The following ABLIM2 variants were observed in gnomAD, a reference collection of about 807,000 sequenced individuals.
ABLIM2 encodes actin-binding LIM protein 2.
ABLIM2 carries 53 observed loss-of-function variants against 97.7 expected under a neutral mutation model. The observed-to-expected ratio is 0.54, with a 90% CI of 0.44 to 0.68. The LOEUF is 0.68. Ranked by LOEUF, ABLIM2 falls within the 30% of genes least tolerant of loss-of-function variation. The pLI, the probability that ABLIM2 is intolerant of heterozygous loss-of-function variation, is 0.00. For missense variants in ABLIM2, 835 were observed against 867.2 expected (o/e 0.96, Z 0.47); for synonymous variants, 361 against 345.8 (o/e 1.04, Z -0.49).
At chr4:8,102,215 C>A (rs1396894729) in intron 2 of ABLIM2, among the ~76,000 whole-genome samples, 1 of 152,286 alleles carries the variant, frequency 6.6e-6, no homozygotes, top group East Asian at 1.9e-4. Flanking sequence ...CCCAAGCCTG[C>A]CTGCTTCCGG....
rs1411772879 is a variant in ABLIM2, at chr4:8,002,438, C to T, written c.1618+5621G>A. Reference sequence around the variant, plus strand: ...CACTGCTTTTGTGGGAGCCCTTTTCCTCTCGCCCTGACTGGGCAGCCTCCA... The same window carrying T: ...CACTGCTTTTGTGGGAGCCCTTTTCTTCTCGCCCTGACTGGGCAGCCTCCA... On this transcript the variant is annotated intron_variant, in intron 16 of 20. Coordinates refer to ENST00000447017, the MANE Select transcript of ABLIM2 (RefSeq NM_001130083.2). This position sits in a 1 kb window ranked among gnomAD's most constrained non-coding sequence, Gnocchi z 6.1. Among the ~76,000 whole-genome samples, 1 of 152,232 alleles carries T rather than the reference C, an allele frequency of 6.6e-6. No homozygotes were observed. The highest frequency in any genetic ancestry group is 1.5e-5 in the Non-Finnish European group (1 of 68,042).
intron 11 of ABLIM2, among the ~76,000 whole-genome samples, chr4:8,029,106 G>T (rs936882671): frequency 6.6e-6 from 1 of 152,200 alleles, no homozygotes; most frequent in Admixed American, 6.5e-5. Context: ...CGTGTGGAAA[G>T]GACCTGTCTC....
Position 8,015,377 on chromosome 4 carries a change from G to C in ABLIM2, c.1423+4241C>G, listed in dbSNP as rs1768229235. ...GGAGAGGCTGAGTTCCTACTCCCCG[G>C]CTCCCCTGGGGAGCCTCAGTGGGGG... On this transcript the variant is annotated intron_variant, in intron 14 of 20. Transcript: ENST00000447017. This position sits in a 1 kb window ranked among gnomAD's most constrained non-coding sequence, Gnocchi z 4.6. 6.6e-6 allele frequency among the ~76,000 whole-genome samples: 1 copy of C among 151,940 alleles called. No individual in the cohort carries two copies. Among genetic ancestry groups the C allele is most frequent in the Non-Finnish European group, 1.5e-5 (1 of 67,970 alleles).
intron 1 of ABLIM2, among the ~76,000 whole-genome samples, chr4:8,143,766 A>G (rs1274769947): frequency 6.6e-6 from 1 of 152,140 alleles, no homozygotes; most frequent in African/African-American, 2.4e-5. Flanking sequence ...GAGGATCGAC[A>G]TGCTCCAGGG....
chr4:7,980,636 G>T (rs1427454143), intron 20 of ABLIM2, among the ~76,000 whole-genome samples: 1 of 151,466 alleles, frequency 6.6e-6, no homozygotes, highest in Non-Finnish European at 1.5e-5. Context: ...AATCACTTGA[G>T]TCTGGGAAGT....
In ABLIM2 at chr4:8,021,492, G is replaced by A. The variant is rs981630459; in HGVS notation, c.1268-1189C>T. Among the ~76,000 whole-genome samples, 29 of 152,350 alleles carry A rather than the reference G, an allele frequency of 1.9e-4. No individual in the cohort carries two copies. The highest frequency in any genetic ancestry group is 1.2e-3 in the Admixed American group (18 of 15,310). On this transcript the variant is annotated intron_variant, in intron 12 of 20. Coordinates refer to ENST00000447017, the MANE Select transcript of ABLIM2 (RefSeq NM_001130083.2). This position sits in a 1 kb window ranked among gnomAD's most constrained non-coding sequence, Gnocchi z 5.5. Reference sequence around the variant, plus strand: ...GGCAATGGGCTGCAAGGGGTAAGGCGCTCTTCACCTGAGAACGTTCCCTCA... The same window carrying A: ...GGCAATGGGCTGCAAGGGGTAAGGCACTCTTCACCTGAGAACGTTCCCTCA...
intron 1 of ABLIM2, among the ~76,000 whole-genome samples, chr4:8,109,019 G>A (rs1241574985): frequency 6.6e-6 from 1 of 152,232 alleles, no homozygotes; most frequent in African/African-American, 2.4e-5. Flanking sequence ...CTCCCCATGT[G>A]GGAGAGGGAA....
In ABLIM2 at chr4:7,998,660, C is replaced by A. The variant is rs1160907847; in HGVS notation, c.1619-5733G>T. On this transcript the variant is annotated intron_variant, in intron 16 of 20. Coordinates refer to ENST00000447017, the MANE Select transcript of ABLIM2 (RefSeq NM_001130083.2). This position sits in a 1 kb window ranked among gnomAD's most constrained non-coding sequence, Gnocchi z 6.4. The stretch of plus-strand genomic sequence containing the variant: ...AGGAGGAAAACACCTGCCTCGTCAC[C>A]TTTTGCCACCACATGGGAGGCTGGG... The A allele has an allele frequency of 2.0e-6, 1 of 511,894 alleles. No individual in the cohort carries two copies. Among genetic ancestry groups the A allele is most frequent in the Non-Finnish European group, 3.9e-6 (1 of 257,088 alleles). 31.7% of individuals were successfully genotyped at this position (511,894 alleles called of 1,614,324 possible).
chr4:8,145,435 C>T (rs560013143), intron 1 of ABLIM2, among the ~76,000 whole-genome samples: 4 of 152,070 alleles, frequency 2.6e-5, no homozygotes, highest in Non-Finnish European at 5.9e-5. Context: ...CTGCCCACCT[C>T]GGCTTCCCAA....
chr4:7,970,770 A>C lies in ABLIM2; in HGVS notation c.1825-3667T>G, dbSNP rs1253429974. ...CTGGGAGTGTGGCACTGGGACTGGG[A>C]CGCTCCATCACCAGAGGCCCTGGGG... On this transcript the variant is annotated intron_variant, in intron 20 of 20. Coordinates refer to ENST00000447017, the MANE Select transcript of ABLIM2 (RefSeq NM_001130083.2). The surrounding 1 kb of genome is among the most constrained non-coding windows in gnomAD (Gnocchi z 5.3). Among the ~76,000 whole-genome samples, 1 of 151,728 alleles carries C rather than the reference A, an allele frequency of 6.6e-6. No homozygotes were observed. Among genetic ancestry groups the C allele is most frequent in the Non-Finnish European group, 1.5e-5 (1 of 67,914 alleles).
chr4:8,030,316 A>G (rs1030352676), intron 10 of ABLIM2, among the ~76,000 whole-genome samples: 2 of 152,152 alleles, frequency 1.3e-5, no homozygotes, highest in Non-Finnish European at 2.9e-5. Flanking sequence ...AGCTGTTTGC[A>G]GCAGGCAGAG....
At chr4:8,045,570 AC>A (rs1213201075) in intron 8 of ABLIM2, among the ~76,000 whole-genome samples, 1 of 152,076 alleles carries the variant, frequency 6.6e-6, no homozygotes, top group African/African-American at 2.4e-5. Flanking sequence ...AATCGCTTAA[AC>A]CTGGGAGGCG....
In ABLIM2 at chr4:8,063,601, C is replaced by A. The variant is rs191836091; in HGVS notation, c.676-2547G>T. 2.6e-3 allele frequency among the ~76,000 whole-genome samples: 397 copies of A among 152,320 alleles called. 2 individuals are homozygous for A. The highest frequency in any genetic ancestry group is 9.1e-3 in the African/African-American group (378 of 41,582). On this transcript the variant is annotated intron_variant, in intron 6 of 20. Transcript: ENST00000447017. Reference sequence around the variant, plus strand: ...TGCGGTTACAGTCCAGGAGCCTGGCCCCCGAGTGCAGAGCTTAAGCCCATG... The same window carrying A: ...TGCGGTTACAGTCCAGGAGCCTGGCACCCGAGTGCAGAGCTTAAGCCCATG...
In ABLIM2 at chr4:8,088,096, G is replaced by C. The variant is rs867930175; in HGVS notation, c.454+73C>G. The C allele has an allele frequency of 3.3e-5, 27 of 816,218 alleles. No homozygotes were observed. The Middle Eastern group carries it at 1.4e-3, about 41-fold the overall frequency. The allele number at this position is 816,218 out of a possible 1,614,324, so 50.6% of individuals were successfully genotyped here. On this transcript the variant is annotated intron_variant, in intron 4 of 20. Coordinates refer to ENST00000447017, the MANE Select transcript of ABLIM2 (RefSeq NM_001130083.2). The stretch of plus-strand genomic sequence containing the variant: ...GCCCCACTCAGCGCCCCCCAACTCA[G>C]CATACCCACCCATTTAGCACCCCCC...
intron 7 of ABLIM2, among the ~76,000 whole-genome samples, chr4:8,055,957 A>T (rs1371330541): frequency 6.6e-6 from 1 of 151,924 alleles, no homozygotes; most frequent in Non-Finnish European, 1.5e-5. Context: ...TATCAAAAAT[A>T]GAAAAATTAG....
Position 8,082,195 on chromosome 4 carries a change from C to G in ABLIM2, c.455-1393G>C, listed in dbSNP as rs1309885949. Among the ~76,000 whole-genome samples the G allele has an allele frequency of 1.3e-5, 2 of 152,126 alleles. No individual in the cohort carries two copies. Among genetic ancestry groups the G allele is most frequent in the African/African-American group, 4.8e-5 (2 of 41,424 alleles). ...CAGACCAAGCAGGGACCCCTCGTGC[C>G]CAAGGAAACCTCTACCCAAGATGGA... On this transcript the variant is annotated intron_variant, in intron 4 of 20. Coordinates refer to ENST00000447017, the MANE Select transcript of ABLIM2 (RefSeq NM_001130083.2). The surrounding 1 kb of genome is among the most constrained non-coding windows in gnomAD (Gnocchi z 5.6).
intron 10 of ABLIM2, among the ~76,000 whole-genome samples, chr4:8,031,506 C>A (rs1780898155): frequency 1.3e-5 from 2 of 152,234 alleles, no homozygotes; most frequent in South Asian, 4.1e-4. Context: ...ATGGCCGTCA[C>A]AGCTCCCATG....
intron 12 of ABLIM2, 194 bp from the exon 13 acceptor site, chr4:8,020,497 C>G (rs1249159104): frequency 1.5e-6 from 1 of 670,192 alleles, no homozygotes; most frequent in Admixed American, 2.1e-5. Flanking sequence ...CTTGCTAATC[C>G]AACCCTGAGT....
At chr4:7,967,551 G>T (rs1723893287) in intron 20 of ABLIM2, among the ~76,000 whole-genome samples, 1 of 152,198 alleles carries the variant, frequency 6.6e-6, no homozygotes, top group Admixed American at 6.5e-5. Flanking sequence ...AGCCCAGGAG[G>T]GTGGGGCGCG....
Sources: allele counts gnomAD v4.1 joint callset (sites outside exome capture counted in the v4.1 genomes callset), GRCh38; gene constraint gnomAD v4.1.1; non-coding constraint Gnocchi (gnomAD v3.1); transcripts MANE v1.5; gene names NCBI Gene and HGNC (gene_info 2026-07-23, HGNC 2026-07-21).